The following FAM120B variants were observed in gnomAD, a reference collection of about 807,000 sequenced individuals.
FAM120B encodes family with sequence similarity 120 member B.
In FAM120B, 83 loss-of-function variants were observed where a neutral mutation model predicts 96.3. The observed-to-expected ratio is 0.86, with a 90% CI of 0.72 to 1.03. The LOEUF (loss-of-function observed/expected upper bound fraction) is 1.03, where lower values mean the gene tolerates loss of function less well. FAM120B is among the 50% of genes least tolerant of loss of function. The pLI is 0.00. For synonymous variants in FAM120B, 407 were observed against 402.7 expected, an observed-to-expected ratio of 1.01 and a Z score of -0.13; for missense variants, 1,027 against 1,121.2, an observed-to-expected ratio of 0.92 and a Z score of 1.20.
At chr6:170,356,763 A>G (rs1436948859) in intron 5 of FAM120B, among the ~76,000 whole-genome samples, 1 of 152,232 alleles carries the variant, frequency 6.6e-6, no homozygotes, top group Non-Finnish European at 1.5e-5. Flanking sequence ...GTCAGGGGTC[A>G]ACTGTACTCT....
chr6:170,337,754 T>C (rs1412328309), intron 4 of FAM120B, among the ~76,000 whole-genome samples: 1 of 152,204 alleles, frequency 6.6e-6, no homozygotes, highest in East Asian at 1.9e-4. Flanking sequence ...CCTGGTTTAG[T>C]CTTGGAAGGT....
intron 4 of FAM120B, among the ~76,000 whole-genome samples, chr6:170,335,101 A>C (rs1250691822): frequency 6.7e-6 from 1 of 148,654 alleles, no homozygotes. Flanking sequence ...CAGGATTGTT[A>C]CAGAGGTATA....
chr6:170,318,212 TCTTTA>T lies in FAM120B; in HGVS notation c.826_830del (p.Tyr276ValfsTer4). ...CTGTGTCAGACCATATATCGAAAGTTCTTTACTTGTATCAAGGTGAGAAAAAATTA... is the reference window on the plus strand; with the variant it reads ...CTGTGTCAGACCATATATCGAAAGTTCTTGTATCAAGGTGAGAAAAAATTA... On this transcript the variant is annotated frameshift_variant, in exon 2 of 11. Transcript: ENST00000476287. LOFTEE classifies it high-confidence loss of function. 2 of 1,613,854 alleles carry T rather than the reference TCTTTA, an allele frequency of 1.2e-6. No homozygotes were observed. Among genetic ancestry groups the T allele is most frequent in the Non-Finnish European group, 8.5e-7 (1 of 1,179,956 alleles).
upstream of FAM120B, among the ~76,000 whole-genome samples, chr6:170,304,183 CAGCT>C (rs1164524315): frequency 1.9e-4 from 29 of 152,358 alleles, no homozygotes; most frequent in Middle Eastern, 0.014. Context: ...TACCCACAAA[CAGCT>C]AATATAGTGA....
upstream of FAM120B, among the ~76,000 whole-genome samples, chr6:170,293,085 A>G (rs939744275): frequency 5.3e-5 from 8 of 151,966 alleles, no homozygotes; most frequent in African/African-American, 1.9e-4. Flanking sequence ...TAGTGTCAGG[A>G]TCCTTTTTTC....
chr6:170,361,198 G>GTGTATATATATA (rs1426112399), intron 6 of FAM120B, among the ~76,000 whole-genome samples: 58 of 66,026 alleles, frequency 8.8e-4, no homozygotes, highest in Non-Finnish European at 1.5e-3. Flanking sequence ...ATATATACGT[G>GTGTATATATATA]TATATATATA....
intron 7 of FAM120B, among the ~76,000 whole-genome samples, chr6:170,389,463 A>G (rs925607356): frequency 6.6e-6 from 1 of 152,170 alleles, no homozygotes; most frequent in Non-Finnish European, 1.5e-5. Flanking sequence ...TAGGGCGAGC[A>G]GTATCACACC....
At chr6:170,335,035 G>GTTTTTTTTTTGTTT (rs1786320294) in intron 4 of FAM120B, among the ~76,000 whole-genome samples, 2 of 139,242 alleles carry the variant, frequency 1.4e-5, no homozygotes, top group Non-Finnish European at 3.1e-5. Context: ...GGTTTTTTGA[G>GTTTTTTTTTTGTTT]TTTTTTTTTT....
At chr6:170,332,824 T>A (rs1248342810) in intron 4 of FAM120B, among the ~76,000 whole-genome samples, 1 of 152,212 alleles carries the variant, frequency 6.6e-6, no homozygotes, top group Non-Finnish European at 1.5e-5. Context: ...TGATTTTCCT[T>A]GTTCTTCTAA....
chr6:170,362,684 CTTTTT>C (rs759098041), intron 6 of FAM120B, among the ~76,000 whole-genome samples: 1 of 139,820 alleles, frequency 7.2e-6, no homozygotes, highest in Non-Finnish European at 1.6e-5. Context: ...TTTCTTTTTT[CTTTTT>C]TTTTTTTTTT....
At position 170,404,583 on chromosome 6, in the gene FAM120B, G is replaced by GGT; in HGVS notation, c.2727_2728dup (p.Tyr910CysfsTer45). ...CAGTATGAGCATGACCAGTGGAGAA[G>GGT]GTACTAGTCAACCTCCAGGTAAGTT... On this transcript the variant is annotated frameshift_variant, in exon 10 of 11. Coordinates refer to ENST00000476287, the MANE Select transcript of FAM120B (RefSeq NM_032448.3). LOFTEE classifies it high-confidence loss of function. The GGT allele has an allele frequency of 6.2e-7, 1 of 1,613,684 alleles. No individual in the cohort carries two copies. The highest frequency in any genetic ancestry group is 8.5e-7 in the Non-Finnish European group (1 of 1,179,624).
intron 3 of FAM120B, among the ~76,000 whole-genome samples, chr6:170,324,576 A>G (rs1474776681): frequency 2.6e-5 from 4 of 152,244 alleles, no homozygotes. Context: ...TAATATTGGA[A>G]TTATTTTCAG....
intron 6 of FAM120B, among the ~76,000 whole-genome samples, chr6:170,364,400 C>G (rs1165846147): frequency 6.6e-6 from 1 of 152,114 alleles, no homozygotes; most frequent in East Asian, 1.9e-4. Flanking sequence ...CCAGAGTGTC[C>G]CACTTAGGGT....
intron 5 of FAM120B, among the ~76,000 whole-genome samples, chr6:170,353,615 A>G (rs1251468802): frequency 6.6e-6 from 1 of 152,140 alleles, no homozygotes; most frequent in Non-Finnish European, 1.5e-5. Flanking sequence ...TAAAATCGCC[A>G]GTATTCCTAT....
upstream of FAM120B, among the ~76,000 whole-genome samples, chr6:170,306,266 G>T (rs1474822668): frequency 6.6e-6 from 1 of 152,158 alleles, no homozygotes; most frequent in African/African-American, 2.4e-5. Context: ...AAACGTGGCG[G>T]GGAAGCGCGC....
intron 6 of FAM120B, among the ~76,000 whole-genome samples, chr6:170,380,932 A>G (rs1789866700): frequency 6.6e-6 from 1 of 152,194 alleles, no homozygotes; most frequent in African/African-American, 2.4e-5. Flanking sequence ...TATAGAGAGA[A>G]ACAATTTTGG....
At chr6:170,396,153 AAT>A (rs1230119391) in intron 9 of FAM120B, among the ~76,000 whole-genome samples, 1 of 152,232 alleles carries the variant, frequency 6.6e-6, no homozygotes, top group Non-Finnish European at 1.5e-5. Flanking sequence ...GAAATTACCT[AAT>A]ATTTATCATT....
At chr6:170,400,337 G>T (rs1397706265) in intron 9 of FAM120B, among the ~76,000 whole-genome samples, 1 of 152,120 alleles carries the variant, frequency 6.6e-6, no homozygotes, top group Non-Finnish European at 1.5e-5. Flanking sequence ...GTATCATCAA[G>T]AACATGCCCC....
At chr6:170,395,679 G>GTA in intron 9 of FAM120B, 100 bp downstream of exon 9, 1 of 796,978 alleles carries the variant, frequency 1.3e-6, no homozygotes, top group Non-Finnish European at 2.1e-6. Context: ...CAGAAAGGTT[G>GTA]TATAGTTCCA....
Sources: allele counts gnomAD v4.1 joint callset (sites outside exome capture counted in the v4.1 genomes callset), GRCh38; gene constraint gnomAD v4.1.1; transcripts MANE v1.5; gene names NCBI Gene and HGNC (gene_info 2026-07-23, HGNC 2026-07-21).